The following PTPRT variants were observed in gnomAD, a reference collection of about 807,000 sequenced individuals.
The protein encoded by PTPRT is protein tyrosine phosphatase receptor type T.
PTPRT carries 56 observed loss-of-function variants against 176.8 expected under a neutral mutation model. That is an observed-to-expected ratio of 0.32 (90% CI 0.26 to 0.40). The LOEUF (loss-of-function observed/expected upper bound fraction) is 0.40, where lower values mean the gene tolerates loss of function less well. Ranked by LOEUF, PTPRT falls within the 10% of genes least tolerant of loss-of-function variation. The probability of loss-of-function intolerance (pLI) is 1.00; values close to 1 mark genes in which losing one functional copy is unlikely to be tolerated. For synonymous variants in PTPRT, 783 were observed against 739.0 expected (o/e 1.06, Z -0.96); for missense variants, 1,540 against 1,908.2 (o/e 0.81, Z 3.60).
At chr20:42,745,572 C>T (rs926371364) in intron 6 of PTPRT, among the ~76,000 whole-genome samples, 1 of 152,176 alleles carries the variant, frequency 6.6e-6, no homozygotes, top group Non-Finnish European at 1.5e-5. Flanking sequence ...CTGGTCCAGG[C>T]AGAGGCTGCA....
In PTPRT at chr20:42,880,756, C is replaced by T. The variant is rs139690889; in HGVS notation, c.214+5051G>A. On this transcript the variant is annotated intron_variant, in intron 2 of 30. Coordinates refer to ENST00000373187, the MANE Select transcript of PTPRT (RefSeq NM_007050.6). ...TGCTCCTCTGTGACAGCCTCAATAA[C>T]GATAAGGTAGTGAAACCAGGTCTGA... is the stretch of plus-strand genomic sequence containing the variant. 3.2e-4 allele frequency among the ~76,000 whole-genome samples: 49 copies of T among 152,268 alleles called. 1 individual carries two copies. The highest frequency in any genetic ancestry group is 2.1e-3 in the South Asian group (10 of 4,828).
At chr20:42,962,429 G>T (rs541889150) in intron 1 of PTPRT, among the ~76,000 whole-genome samples, 1 of 151,270 alleles carries the variant, frequency 6.6e-6, no homozygotes, top group East Asian at 1.9e-4. Flanking sequence ...ATGTTATAGG[G>T]ATGAAAAGAA....
rs751987765 is a variant in PTPRT, at chr20:42,315,898, G to C, written c.1964C>G (p.Ala655Gly). ...CFSVPVSYRN[A>G]SSLDSLHYFA... ...GTAGTGTAGAGAATCGAGGCTGGAG[G>C]CATTCCGATAGCTCACGGGCACCGA... Residue 655 changes from alanine (A) to glycine (G), a missense_variant, in exon 12 of 31, where the codon GCC becomes GGC. Ala to Gly is a moderately conservative substitution (Grantham distance 60). Around this residue, in one of 11 missense-constraint regions of PTPRT, gnomAD observed 81 missense variants for 89.9 expected, o/e 0.90. Coordinates refer to ENST00000373187, the MANE Select transcript of PTPRT (RefSeq NM_007050.6). 2 of 1,614,058 alleles carry C rather than the reference G, an allele frequency of 1.2e-6. No homozygotes were observed. The highest frequency in any genetic ancestry group is 4.5e-5 in the East Asian group (2 of 44,874).
intron 7 of PTPRT, among the ~76,000 whole-genome samples, chr20:42,675,366 C>A (rs2075484118): frequency 6.6e-6 from 1 of 152,176 alleles, no homozygotes; most frequent in Non-Finnish European, 1.5e-5. Flanking sequence ...GGACCCAAGT[C>A]CAAACACAAA....
Position 42,315,795 on chromosome 20 carries a change from G to A in PTPRT, c.2067C>T (p.Gly689=), listed in dbSNP as rs771705315. 2.5e-6 allele frequency: 4 copies of A among 1,614,106 alleles called. No homozygotes were observed. The highest frequency in any genetic ancestry group is 1.1e-5 in the South Asian group (1 of 91,078). The part of the protein sequence containing the change: ...FTVGDNKTYN[G]YWNPPLSPLK... ...GGGGAGAGAGAGGAGGGTTCCAGTA[G>A]CCATTGTATGTCTTATTGTCACCCA... The change falls in exon 12 of 31, where the codon GGC becomes GGT. Residue 689 remains glycine (G), a synonymous_variant. Transcript: ENST00000373187.
rs776338672 is a variant in PTPRT, at chr20:42,141,947, C to T, written c.2738G>A (p.Arg913His). 9 of 1,614,122 alleles carry T rather than the reference C, an allele frequency of 5.6e-6. No homozygotes were observed. Among genetic ancestry groups the T allele is most frequent in the South Asian group, 2.2e-5 (2 of 91,080 alleles). ...SWDTAKEDEN[R>H]NKNRYGNIIS... is the part of the protein sequence containing the mutation. ...GATGTTCCCATATCGATTCTTATTGCGGTTTTCATCCTCCTTGGCTGTGTC... is the reference window on the plus strand; with the variant it reads ...GATGTTCCCATATCGATTCTTATTGTGGTTTTCATCCTCCTTGGCTGTGTC... The change falls in exon 18 of 31, where the codon CGC becomes CAC. Residue 913 changes from arginine (R) to histidine (H), a missense_variant. Physicochemically the swap from Arg to His is conservative, Grantham distance 29. Transcript: ENST00000373187.
chr20:42,615,693 A>G (rs1342647145), intron 7 of PTPRT, among the ~76,000 whole-genome samples: 3 of 126,082 alleles, frequency 2.4e-5, no homozygotes, highest in African/African-American at 1.2e-4. Flanking sequence ...GCCAGTGATG[A>G]TGAGCATTTT....
chr20:42,653,952 A>G (rs531972955), intron 7 of PTPRT, among the ~76,000 whole-genome samples: 4 of 152,324 alleles, frequency 2.6e-5, no homozygotes, highest in South Asian at 4.1e-4. Context: ...TTGAGTCAAC[A>G]TATTGCTTTT....
intron 27 of PTPRT, 134 bp from the exon 28 acceptor site, chr20:42,085,987 GC>G: frequency 8.8e-7 from 1 of 1,139,298 alleles, no homozygotes; most frequent in Non-Finnish European, 1.2e-6. Flanking sequence ...CACTCTTGTT[GC>G]CCAGCCTGGA....
chr20:42,199,130 T>A (rs767435129), intron 16 of PTPRT, 110 bp downstream of exon 16: 22 of 1,324,286 alleles, frequency 1.7e-5, no homozygotes, highest in Non-Finnish European at 2.3e-5. Flanking sequence ...CAGGCAAGCA[T>A]CCATACCCTA....
chr20:42,085,980 T>G lies in PTPRT; in HGVS notation c.3847-127A>C, dbSNP rs965660321. ...TTTTTTTTTTGAGATGGAGCATCAC[T>G]CTTGTTGCCCAGCCTGGAGTGCATT... On this transcript the variant is annotated intron_variant, in intron 27 of 30. Coordinates refer to ENST00000373187, the MANE Select transcript of PTPRT (RefSeq NM_007050.6). The G allele has an allele frequency of 2.2e-5, 26 of 1,178,670 alleles. No homozygotes were observed. The African/African-American group carries it at 3.7e-4, about 17-fold the overall frequency. 73.0% of individuals were successfully genotyped at this position (1,178,670 alleles called of 1,614,324 possible). A position where few individuals can be genotyped will look rare whatever the true frequency, so the allele number is the denominator to read the frequency against.
intron 1 of PTPRT, among the ~76,000 whole-genome samples, chr20:43,015,311 T>C (rs1985316297): frequency 6.6e-6 from 1 of 152,222 alleles, no homozygotes; most frequent in Non-Finnish European, 1.5e-5. Context: ...CAAAATGAAG[T>C]GATAATTCCT....
chr20:42,571,530 G>A (rs531371694), intron 7 of PTPRT, among the ~76,000 whole-genome samples: 8 of 152,308 alleles, frequency 5.3e-5, no homozygotes, highest in South Asian at 2.1e-4. Flanking sequence ...AAACCACTAC[G>A]TTTGTGGTAA....
At chr20:42,289,296 C>G (rs1001357794) in intron 12 of PTPRT, among the ~76,000 whole-genome samples, 1 of 151,914 alleles carries the variant, frequency 6.6e-6, no homozygotes. Context: ...AACTGAAGAG[C>G]TTCTGCACAG....
intron 7 of PTPRT, among the ~76,000 whole-genome samples, chr20:42,511,881 CTCTTT>C (rs747312493): frequency 1.1e-4 from 16 of 152,080 alleles, no homozygotes; most frequent in Admixed American, 2.6e-4. Flanking sequence ...CTATAGCAAC[CTCTTT>C]TCTTAACTTA....
At chr20:43,120,673 A>G (rs1159243078) in intron 1 of PTPRT, among the ~76,000 whole-genome samples, 4 of 152,170 alleles carry the variant, frequency 2.6e-5, no homozygotes, top group African/African-American at 9.7e-5. Flanking sequence ...GTGTGTGTCC[A>G]TAGATCCTTG....
intron 7 of PTPRT, among the ~76,000 whole-genome samples, chr20:42,481,800 A>G (rs1291542096): frequency 8.3e-4 from 107 of 128,532 alleles, no homozygotes; most frequent in Middle Eastern, 4.4e-3. Flanking sequence ...ACACACACAC[A>G]CACACGCGCG....
At chr20:42,389,095 G>C (rs554914648) in intron 9 of PTPRT, among the ~76,000 whole-genome samples, 8 of 142,368 alleles carry the variant, frequency 5.6e-5, no homozygotes, top group African/African-American at 2.0e-4. Flanking sequence ...TCGGACACAG[G>C]AAGGGGAACA....
intron 7 of PTPRT, among the ~76,000 whole-genome samples, chr20:42,479,630 G>T (rs2071349879): frequency 6.6e-6 from 1 of 152,168 alleles, no homozygotes; most frequent in East Asian, 1.9e-4. Context: ...TGGTGGACAA[G>T]AATTTGTTGA....
Sources: allele counts gnomAD v4.1 joint callset (sites outside exome capture counted in the v4.1 genomes callset), GRCh38; gene constraint gnomAD v4.1.1; regional missense constraint gnomAD v4.1.1; transcripts MANE v1.5; gene names NCBI Gene and HGNC (gene_info 2026-07-23, HGNC 2026-07-21).